Variants in ASXL2 observed in about 807,000 individuals in gnomAD.
ASXL2 encodes ASXL transcriptional regulator 2.
Under a neutral mutation model 122.0 loss-of-function variants are expected in ASXL2, and 23 were observed. That is an observed-to-expected ratio of 0.19 (90% CI 0.14 to 0.27). The LOEUF is 0.27. ASXL2 is among the 10% of genes least tolerant of loss of function. ASXL2 has a pLI of 1.00. For missense variants in ASXL2, 1,518 were observed against 1,713.8 expected, an observed-to-expected ratio of 0.89 and a Z score of 2.02; for synonymous variants, 650 against 637.0, an observed-to-expected ratio of 1.02 and a Z score of -0.31.
chr2:25,773,066 G>A (rs952335586), intron 5 of ASXL2, among the ~76,000 whole-genome samples: 32 of 151,648 alleles, frequency 2.1e-4, no homozygotes, highest in African/African-American at 5.6e-4. Flanking sequence ...AAAATTAGCC[G>A]GGTGTGGTGG....
At chr2:25,834,964 G>A (rs533267940) in intron 3 of ASXL2, among the ~76,000 whole-genome samples, 4 of 151,894 alleles carry the variant, frequency 2.6e-5, no homozygotes, top group East Asian at 1.9e-4. Flanking sequence ...CTGGGATTAC[G>A]GGCGCCGGCC....
At chr2:25,827,683 T>A (rs2089394316) in intron 3 of ASXL2, among the ~76,000 whole-genome samples, 1 of 152,100 alleles carries the variant, frequency 6.6e-6, no homozygotes, top group Admixed American at 6.6e-5. Flanking sequence ...AAATACACCA[T>A]CAAACAAATG....
At chr2:25,769,665 TAA>T (rs60243403) in intron 6 of ASXL2, among the ~76,000 whole-genome samples, 4 of 141,438 alleles carry the variant, frequency 2.8e-5, no homozygotes, top group Non-Finnish European at 4.6e-5. Flanking sequence ...AGGTTTTCTT[TAA>T]AAAAAAAAAA....
At chr2:25,773,142 A>T (rs2088484460) in intron 5 of ASXL2, among the ~76,000 whole-genome samples, 1 of 151,120 alleles carries the variant, frequency 6.6e-6, no homozygotes, top group Admixed American at 6.6e-5. Flanking sequence ...CTGGAGGCGG[A>T]GGTTGCAGTG....
chr2:25,789,512 C>T (rs1269148520), intron 5 of ASXL2, among the ~76,000 whole-genome samples: 1 of 152,000 alleles, frequency 6.6e-6, no homozygotes, highest in Non-Finnish European at 1.5e-5. Flanking sequence ...TATTTTGCTC[C>T]TTAATCTGGT....
At chr2:25,859,988 AGCCTAGGCAACATAGCAAAACAT>A (rs2089824955) in intron 1 of ASXL2, among the ~76,000 whole-genome samples, 1 of 150,830 alleles carries the variant, frequency 6.6e-6, no homozygotes, top group African/African-American at 2.5e-5. Flanking sequence ...GTTTGAGACC[AGCCTAGGCAACATAGCAAAACAT>A]TGTCTCTTAA....
At chr2:25,754,841 A>G (rs993745182) in intron 10 of ASXL2, among the ~76,000 whole-genome samples, 45 of 151,940 alleles carry the variant, frequency 3.0e-4, no homozygotes, top group Admixed American at 7.2e-4. Context: ...AAAAAAAAAA[A>G]GGGGTCTCTG....
intron 1 of ASXL2, among the ~76,000 whole-genome samples, chr2:25,864,483 C>T (rs995964632): frequency 1.3e-5 from 2 of 152,006 alleles, no homozygotes; most frequent in Admixed American, 1.3e-4. Context: ...CTTTTAGTGG[C>T]AGGTGACCTT....
intron 4 of ASXL2, 108 bp from the exon 5 acceptor site, chr2:25,799,643 TA>T (rs1211907990): frequency 1.0e-4 from 140 of 1,344,556 alleles, no homozygotes; most frequent in Non-Finnish European, 1.4e-4. Context: ...TTTTTGTTAC[TA>T]TAGGATTCAG....
chr2:25,810,259 C>A, intron 3 of ASXL2: 1 of 625,016 alleles, frequency 1.6e-6, no homozygotes, highest in South Asian at 1.4e-5. Flanking sequence ...AAGTCTCTTT[C>A]AATGACCACC....
At chr2:25,869,847 C>G (rs975219485) in intron 1 of ASXL2, among the ~76,000 whole-genome samples, 1 of 150,896 alleles carries the variant, frequency 6.6e-6, no homozygotes, top group Non-Finnish European at 1.5e-5. Context: ...TATAAATTAC[C>G]TGTATGTTAA....
At chr2:25,816,324 C>T (rs2089233605) in intron 3 of ASXL2, among the ~76,000 whole-genome samples, 1 of 152,130 alleles carries the variant, frequency 6.6e-6, no homozygotes, top group Non-Finnish European at 1.5e-5. Context: ...CGTTAAAAGC[C>T]AAAGTGGCAG....
intron 2 of ASXL2, among the ~76,000 whole-genome samples, chr2:25,839,686 G>A (rs1044723637): frequency 2.1e-5 from 3 of 142,884 alleles, no homozygotes; most frequent in Admixed American, 1.5e-4. Flanking sequence ...GCAGTGGCAC[G>A]ATCACGGCTC....
intron 1 of ASXL2, among the ~76,000 whole-genome samples, chr2:25,872,258 T>C (rs574659696): frequency 6.6e-6 from 1 of 152,228 alleles, no homozygotes; most frequent in South Asian, 2.1e-4. Flanking sequence ...AGTGCGTGCT[T>C]GTGGTCCCAG....
Position 25,857,503 on chromosome 2 carries a change from T to C in ASXL2, c.58-11940A>G, listed in dbSNP as rs2089794923. ...CGTGGAATAAACTTCCAATTAATCA[T>C]GGAGCTACACTGGCTACCTCATCAT... On this transcript the variant is annotated intron_variant, in intron 1 of 12. Coordinates refer to ENST00000435504, the MANE Select transcript of ASXL2 (RefSeq NM_018263.6). Among the ~76,000 whole-genome samples the C allele has an allele frequency of 1.3e-5, 2 of 152,214 alleles. 1 individual carries two copies. Among genetic ancestry groups the C allele is most frequent in the Non-Finnish European group, 2.9e-5 (2 of 68,042 alleles).
intron 5 of ASXL2, among the ~76,000 whole-genome samples, chr2:25,776,266 G>GT (rs1364475356): frequency 6.6e-6 from 1 of 152,076 alleles, no homozygotes; most frequent in African/African-American, 2.4e-5. Flanking sequence ...TCATACATTA[G>GT]TGCTCGTTTG....
At chr2:25,872,978 T>C (rs2089974603) in intron 1 of ASXL2, among the ~76,000 whole-genome samples, 1 of 151,898 alleles carries the variant, frequency 6.6e-6, no homozygotes, top group African/African-American at 2.4e-5. Flanking sequence ...GAAAAGGTGG[T>C]GTTTGGTTAC....
chr2:25,739,891 G>C lies in ASXL2; in HGVS notation c.*2138C>G. ...TCTTCCAGCATGCAGACCAGCCCTC[G>C]GCCCTGGCACTAAGGTGGAGTTAAG... is the stretch of plus-strand genomic sequence containing the variant. On this transcript the variant is annotated 3_prime_UTR_variant, in exon 13 of 13. Transcript: ENST00000435504. The C allele has an allele frequency of 4.6e-6, 1 of 217,778 alleles. No homozygotes were observed. Among genetic ancestry groups the C allele is most frequent in the Non-Finnish European group, 9.2e-6 (1 of 108,300 alleles). 13.5% of individuals were successfully genotyped at this position (217,778 alleles called of 1,614,324 possible). A position where few individuals can be genotyped will look rare whatever the true frequency, so the allele number is the denominator to read the frequency against.
At chr2:25,809,887 C>A in intron 3 of ASXL2, 2 of 501,694 alleles carry the variant, frequency 4.0e-6, no homozygotes, top group South Asian at 3.0e-5. Flanking sequence ...GAATCAGGGT[C>A]AGAGGGAGGA....
Sources: allele counts gnomAD v4.1 joint callset (sites outside exome capture counted in the v4.1 genomes callset), GRCh38; gene constraint gnomAD v4.1.1; transcripts MANE v1.5; gene names NCBI Gene and HGNC (gene_info 2026-07-23, HGNC 2026-07-21).